TMEM178A: variants seen among roughly 807,000 people sequenced by gnomAD.
The protein encoded by TMEM178A is transmembrane protein 178A.
A neutral mutation model predicts 29.1 loss-of-function variants in TMEM178A; 12 were observed. The ratio of observed to expected loss-of-function variants is 0.41; its 90% CI spans 0.26 to 0.67. TMEM178A has a LOEUF of 0.67. Among genes scored for constraint, TMEM178A ranks in the 30% least tolerant of loss-of-function variants. The pLI is 0.29. For synonymous variants in TMEM178A, 210 were observed against 187.2 expected (o/e 1.12, Z -0.99); for missense variants, 366 against 419.1 (o/e 0.87, Z 1.11).
chr2:39,708,622 T>C (rs1302759608), intron 3 of TMEM178A, among the ~76,000 whole-genome samples: 1 of 151,504 alleles, frequency 6.6e-6, no homozygotes, highest in African/African-American at 2.4e-5. Context: ...TTTCACCGTG[T>C]TAGCCAGGAT....
intron 1 of TMEM178A, among the ~76,000 whole-genome samples, chr2:39,700,151 T>C (rs1233276849): frequency 1.3e-5 from 2 of 152,178 alleles, no homozygotes; most frequent in Non-Finnish European, 2.9e-5. Flanking sequence ...TAGATGTCTC[T>C]TGTATCTTGT....
At chr2:39,730,359 T>C in the TMEM178A span, among the ~76,000 whole-genome samples, 1 of 152,168 alleles carries the variant, frequency 6.6e-6, no homozygotes, top group African/African-American at 2.4e-5. Flanking sequence ...CAGATTCCCA[T>C]ACAACTGGTG....
intron 1 of TMEM178A, among the ~76,000 whole-genome samples, chr2:39,679,375 A>G (rs769446729): frequency 2.1e-5 from 3 of 144,578 alleles, no homozygotes; most frequent in Non-Finnish European, 4.5e-5. Context: ...ATTAATCCAA[A>G]GAAGATAAGG....
intron 1 of TMEM178A, among the ~76,000 whole-genome samples, chr2:39,692,781 A>G (rs1486805491): frequency 2.6e-5 from 4 of 152,232 alleles, no homozygotes; most frequent in Admixed American, 2.6e-4. Flanking sequence ...TCACAAATGA[A>G]AAAATATACG....
At chr2:39,682,430 T>C (rs1401773152) in intron 1 of TMEM178A, among the ~76,000 whole-genome samples, 1 of 152,150 alleles carries the variant, frequency 6.6e-6, no homozygotes, top group Non-Finnish European at 1.5e-5. Flanking sequence ...AAAATGCTTA[T>C]TGCCTTCCTA....
downstream of TMEM178A, chr2:39,718,016 A>G (rs1164713889): frequency 6.6e-6 from 1 of 152,570 alleles, no homozygotes; most frequent in Admixed American, 6.5e-5. Context: ...CTCCCTAGCC[A>G]TAAGGACAGA....
intron 1 of TMEM178A, among the ~76,000 whole-genome samples, chr2:39,701,172 C>A (rs778219325): frequency 7.9e-5 from 12 of 151,988 alleles, no homozygotes; most frequent in Non-Finnish European, 1.5e-4. Flanking sequence ...AATATGGGTT[C>A]AGTTATTATC....
the TMEM178A span, among the ~76,000 whole-genome samples, chr2:39,730,853 G>A: frequency 2.0e-5 from 3 of 152,196 alleles, no homozygotes; most frequent in African/African-American, 7.2e-5. Context: ...CTCACTTTCA[G>A]CTCTTGGGCT....
intron 1 of TMEM178A, among the ~76,000 whole-genome samples, chr2:39,692,780 A>G (rs79600756): frequency 0.01 from 1,591 of 152,332 alleles, 23 homozygotes; most frequent in South Asian, 0.049. Flanking sequence ...TTCACAAATG[A>G]AAAAATATAC....
chr2:39,713,601 G>A (rs1311122336), intron 3 of TMEM178A, among the ~76,000 whole-genome samples: 1 of 152,218 alleles, frequency 6.6e-6, no homozygotes, highest in Non-Finnish European at 1.5e-5. Context: ...CCATTGACAA[G>A]CCAAGGAGAG....
rs530217316 is a variant in TMEM178A at position 39,693,497 on chromosome 2, A to T, written c.401-10584A>T. ...AGTGACTCCGGGAACAAGGCACTGG[A>T]TGGATGTCAGGTCTTGCCTGTGTCT... On this transcript the variant is annotated intron_variant, in intron 1 of 3. Coordinates refer to ENST00000281961, the MANE Select transcript of TMEM178A (RefSeq NM_152390.3). Among the ~76,000 whole-genome samples the T allele has an allele frequency of 2.0e-5, 3 of 152,312 alleles. No individual in the cohort carries two copies. The South Asian group carries it at 6.2e-4, about 32-fold the overall frequency.
the TMEM178A span, among the ~76,000 whole-genome samples, chr2:39,724,463 C>T: frequency 6.6e-6 from 1 of 152,258 alleles, no homozygotes; most frequent in East Asian, 1.9e-4. Flanking sequence ...CTTTTATTTC[C>T]TTTATCCAAG....
chr2:39,672,328 G>A (rs929427894), intron 1 of TMEM178A, among the ~76,000 whole-genome samples: 1 of 152,098 alleles, frequency 6.6e-6, no homozygotes, highest in Admixed American at 6.5e-5. Context: ...CATTCACTAT[G>A]TTTCATGGAT....
At chr2:39,696,657 T>C (rs184990050) in intron 1 of TMEM178A, among the ~76,000 whole-genome samples, 3 of 152,326 alleles carry the variant, frequency 2.0e-5, no homozygotes, top group South Asian at 2.1e-4. Flanking sequence ...CGCCTCATTA[T>C]TGATTGATAG....
At chr2:39,665,825 G>T (rs1210315512), upstream of TMEM178A, 1 of 731,100 alleles carries the variant, frequency 1.4e-6, no homozygotes, top group East Asian at 3.5e-5. Flanking sequence ...GAGCGAGCCG[G>T]GCCGGGCTCG....
chr2:39,708,039 A>C (rs187678789), intron 3 of TMEM178A, among the ~76,000 whole-genome samples: 3 of 152,342 alleles, frequency 2.0e-5, no homozygotes, highest in Admixed American at 1.3e-4. Flanking sequence ...GGCAGGCAAA[A>C]TTCTTGTTCA....
chr2:39,678,220 A>G (rs929851488), intron 1 of TMEM178A, among the ~76,000 whole-genome samples: 2 of 152,216 alleles, frequency 1.3e-5, no homozygotes, highest in Non-Finnish European at 2.9e-5. Flanking sequence ...CAGCAATTCC[A>G]CTAGTAGGTA....
At chr2:39,693,925 C>T (rs944453350) in intron 1 of TMEM178A, among the ~76,000 whole-genome samples, 1 of 151,282 alleles carries the variant, frequency 6.6e-6, no homozygotes, top group Non-Finnish European at 1.5e-5. Flanking sequence ...CAAGATCATG[C>T]CTTTTTGAAC....
chr2:39,681,665 C>G (rs1247195449), intron 1 of TMEM178A, among the ~76,000 whole-genome samples: 1 of 151,990 alleles, frequency 6.6e-6, no homozygotes, highest in African/African-American at 2.4e-5. Flanking sequence ...AGGGAAGAGT[C>G]TTACAAAATC....
Sources: gnomAD v4.1 joint callset for allele counts (sites outside exome capture counted in the v4.1 genomes callset) on GRCh38, gnomAD v4.1.1 for gene constraint, MANE v1.5 for transcripts, NCBI Gene and HGNC (gene_info 2026-07-23, HGNC 2026-07-21) for gene names.